Variants in FBXW7 observed in about 807,000 individuals in gnomAD.
FBXW7 encodes F-box and WD repeat domain containing 7.
FBXW7 carries 11 observed loss-of-function variants against 86.3 expected under a neutral mutation model. The observed-to-expected ratio is 0.13, with a 90% CI of 0.08 to 0.21. The LOEUF (loss-of-function observed/expected upper bound fraction) is 0.21. FBXW7 is among the 10% of genes least tolerant of loss of function. The probability of loss-of-function intolerance (pLI) is 1.00; values close to 1 mark genes in which losing one functional copy is unlikely to be tolerated. For synonymous variants in FBXW7, 313 were observed against 297.9 expected (o/e 1.05, Z -0.52); for missense variants, 488 against 847.4 (o/e 0.58, Z 5.27).
At chr4:152,366,569 A>C (rs1733498279) in intron 4 of FBXW7, among the ~76,000 whole-genome samples, 1 of 152,224 alleles carries the variant, frequency 6.6e-6, no homozygotes, top group African/African-American at 2.4e-5. Flanking sequence ...TGTAAATCAA[A>C]ACCACAATGA....
At chr4:152,378,771 G>A (rs1347148625) in intron 4 of FBXW7, among the ~76,000 whole-genome samples, 7 of 152,116 alleles carry the variant, frequency 4.6e-5, no homozygotes, top group African/African-American at 1.4e-4. Context: ...TGGAGGCTGA[G>A]GCGAGCAGAT....
chr4:152,380,131 T>C (rs1280504987), intron 4 of FBXW7, among the ~76,000 whole-genome samples: 1 of 152,150 alleles, frequency 6.6e-6, no homozygotes, highest in African/African-American at 2.4e-5. Flanking sequence ...CAGAAGAATG[T>C]TTGCTTTGTG....
intron 4 of FBXW7, chr4:152,352,369 A>G: frequency 6.8e-7 from 1 of 1,469,164 alleles, no homozygotes; most frequent in Non-Finnish European, 9.3e-7. Context: ...CACCCACCAA[A>G]ATTAGAGGAT....
intron 2 of FBXW7, among the ~76,000 whole-genome samples, chr4:152,452,757 T>C (rs1742022693): frequency 6.6e-6 from 1 of 152,248 alleles, no homozygotes; most frequent in Non-Finnish European, 1.5e-5. Context: ...TTAAGTAATT[T>C]TTTTTCCTGA....
chr4:152,463,571 A>C (rs1235735987), intron 2 of FBXW7, among the ~76,000 whole-genome samples: 2 of 151,658 alleles, frequency 1.3e-5, no homozygotes, highest in African/African-American at 4.8e-5. Flanking sequence ...TTATCTTAAG[A>C]AAAAAAAAGA....
intron 2 of FBXW7, among the ~76,000 whole-genome samples, chr4:152,527,178 T>C (rs931787382): frequency 2.0e-5 from 3 of 152,198 alleles, no homozygotes; most frequent in African/African-American, 7.2e-5. Context: ...CATCAACAGG[T>C]GATGCCACCA....
chr4:152,488,488 G>A (rs1745550348), intron 2 of FBXW7, among the ~76,000 whole-genome samples: 1 of 151,988 alleles, frequency 6.6e-6, no homozygotes, highest in African/African-American at 2.4e-5. Context: ...TGCTAATAAA[G>A]CAACCTTTTG....
At chr4:152,525,614 C>T (rs569019808) in intron 2 of FBXW7, among the ~76,000 whole-genome samples, 1 of 152,280 alleles carries the variant, frequency 6.6e-6, no homozygotes, top group Admixed American at 6.5e-5. Flanking sequence ...CATCCATACT[C>T]CCACAAAAGA....
In FBXW7 at chr4:152,498,233, T is replaced by C. The variant is rs546978506; in HGVS notation, c.-120+36708A>G. 8.5e-5 allele frequency among the ~76,000 whole-genome samples: 13 copies of C among 152,120 alleles called. No homozygotes were observed. The East Asian group carries it at 2.3e-3, about 27-fold the overall frequency. On this transcript the variant is annotated intron_variant, in intron 2 of 13. Coordinates refer to ENST00000281708, the MANE Select transcript of FBXW7 (RefSeq NM_001349798.2). ...AAATAGTAAGCTTAGTGAAAAGAAA[T>C]TGCAGAGGGCACAATGGAAGGAACT...
chr4:152,469,272 A>G (rs1194909203), intron 2 of FBXW7, among the ~76,000 whole-genome samples: 1 of 152,128 alleles, frequency 6.6e-6, no homozygotes. Flanking sequence ...TATTATGATT[A>G]ACCAAATCAT....
rs555345375 is a variant in FBXW7, at chr4:152,325,902, C to G, written c.1644+104G>C. ...AAAACAGCAGAATAATCTGATTAAT[C>G]TTTTTTGGACTGTACTGGATCAGCA... On this transcript the variant is annotated intron_variant, in intron 12 of 13. Transcript: ENST00000281708. The G allele has an allele frequency of 9.5e-6, 8 of 839,250 alleles. No homozygotes were observed. The Admixed American group carries it at 1.2e-4, about 12-fold the overall frequency. The allele number at this position is 839,250 out of a possible 1,614,324, so 52.0% of individuals were successfully genotyped here. A position where few individuals can be genotyped will look rare whatever the true frequency, so the allele number is the denominator to read the frequency against.
At chr4:152,464,429 T>C (rs1743229020) in intron 2 of FBXW7, among the ~76,000 whole-genome samples, 1 of 152,092 alleles carries the variant, frequency 6.6e-6, no homozygotes, top group African/African-American at 2.4e-5. Flanking sequence ...GGGTATAAAA[T>C]ATGAAATGAA....
At chr4:152,406,936 G>GT (rs1464420308) in intron 4 of FBXW7, among the ~76,000 whole-genome samples, 4 of 152,160 alleles carry the variant, frequency 2.6e-5, no homozygotes, top group Non-Finnish European at 2.9e-5. Flanking sequence ...GGGATTTGGG[G>GT]TAAGGCACAG....
intron 6 of FBXW7, among the ~76,000 whole-genome samples, chr4:152,340,688 C>T (rs1158804044): frequency 6.6e-6 from 1 of 151,036 alleles, no homozygotes; most frequent in Non-Finnish European, 1.5e-5. Flanking sequence ...TTTAAAATCA[C>T]ATCTCTTTGG....
At chr4:152,485,781 C>G (rs942157883) in intron 2 of FBXW7, among the ~76,000 whole-genome samples, 3 of 152,140 alleles carry the variant, frequency 2.0e-5, no homozygotes, top group African/African-American at 7.2e-5. Context: ...ACAAAGCAAA[C>G]TGGTGCTATA....
chr4:152,453,762 G>T (rs1265455257), intron 2 of FBXW7, among the ~76,000 whole-genome samples: 1 of 151,928 alleles, frequency 6.6e-6, no homozygotes, highest in Non-Finnish European at 1.5e-5. Flanking sequence ...AACAAAATTT[G>T]AATTTTTTCA....
chr4:152,508,030 T>C (rs1027352950), intron 2 of FBXW7, among the ~76,000 whole-genome samples: 5 of 151,334 alleles, frequency 3.3e-5, no homozygotes, highest in African/African-American at 7.3e-5. Flanking sequence ...ATCATACCAC[T>C]GCGCACTCCA....
intron 2 of FBXW7, among the ~76,000 whole-genome samples, chr4:152,474,083 ACAGAT>A (rs1229241178): frequency 6.6e-6 from 1 of 152,234 alleles, no homozygotes; most frequent in Non-Finnish European, 1.5e-5. Context: ...AATTAAGACA[ACAGAT>A]CCCATCCCAA....
chr4:152,515,914 C>T (rs1397316508), intron 2 of FBXW7, among the ~76,000 whole-genome samples: 1 of 152,160 alleles, frequency 6.6e-6, no homozygotes, highest in African/African-American at 2.4e-5. Flanking sequence ...AATAACTTGG[C>T]CACATGGCAA....
Sources: gnomAD v4.1 joint callset for allele counts (sites outside exome capture counted in the v4.1 genomes callset) on GRCh38, gnomAD v4.1.1 for gene constraint, MANE v1.5 for transcripts, NCBI Gene and HGNC (gene_info 2026-07-23, HGNC 2026-07-21) for gene names.